Variants in PCDH15 observed in about 807,000 individuals in gnomAD.
PCDH15 encodes protocadherin-15.
Under a neutral mutation model 178.5 loss-of-function variants are expected in PCDH15, and 129 were observed. The observed-to-expected ratio is 0.72, with a 90% CI of 0.63 to 0.84. The LOEUF is 0.84. Ranked by LOEUF, PCDH15 falls within the 40% of genes least tolerant of loss-of-function variation. The pLI is 0.00. For synonymous variants in PCDH15, 800 were observed against 732.0 expected (o/e 1.09, Z -1.50); for missense variants, 2,230 against 2,099.9 (o/e 1.06, Z -1.21).
chr10:55,443,353 C>T (rs557930103), intron 2 of PCDH15, among the ~76,000 whole-genome samples: 12 of 151,952 alleles, frequency 7.9e-5, no homozygotes, highest in African/African-American at 2.4e-4. Flanking sequence ...GAACAGGCAA[C>T]GTACAGAATG....
chr10:54,809,689 T>C (rs377189324), intron 3 of PCDH15, among the ~76,000 whole-genome samples: 3 of 152,046 alleles, frequency 2.0e-5, no homozygotes, highest in Admixed American at 1.3e-4. Context: ...GCTGTAGGGA[T>C]TGGTAACACA....
chr10:55,472,462 T>A (rs931640579), intron 2 of PCDH15, among the ~76,000 whole-genome samples: 11 of 123,540 alleles, frequency 8.9e-5, no homozygotes, highest in Non-Finnish European at 1.7e-4. Context: ...AGTTTTGAAT[T>A]AGCTTTTTTT....
intron 15 of PCDH15, among the ~76,000 whole-genome samples, chr10:54,093,439 A>T (rs1005387766): frequency 1.1e-4 from 17 of 152,206 alleles, no homozygotes; most frequent in African/African-American, 3.9e-4. Context: ...TATGCATTAC[A>T]TGAGTTAGCA....
chr10:54,385,332 G>T (rs1472259938), intron 3 of PCDH15, among the ~76,000 whole-genome samples: 1 of 151,598 alleles, frequency 6.6e-6, no homozygotes, highest in Non-Finnish European at 1.5e-5. Context: ...TAATAAAACA[G>T]ATGGATGTTA....
At chr10:54,115,925 A>T (rs368304200) in intron 15 of PCDH15, among the ~76,000 whole-genome samples, 23 of 152,348 alleles carry the variant, frequency 1.5e-4, no homozygotes, top group Admixed American at 1.2e-3. Context: ...AGTTATGAGC[A>T]TATACCACTT....
intron 2 of PCDH15, among the ~76,000 whole-genome samples, chr10:54,645,131 A>C (rs2094099162): frequency 6.6e-6 from 1 of 152,170 alleles, no homozygotes; most frequent in Admixed American, 6.6e-5. Flanking sequence ...TTAGATACAA[A>C]ATTTTCAGTA....
At chr10:54,957,014 G>A (rs577983255) in intron 2 of PCDH15, among the ~76,000 whole-genome samples, 14 of 151,416 alleles carry the variant, frequency 9.2e-5, no homozygotes, top group South Asian at 2.1e-4. Flanking sequence ...TGGTATGACA[G>A]AAAAAAAATG....
intron 16 of PCDH15, among the ~76,000 whole-genome samples, chr10:54,084,981 C>G (rs1327569823): frequency 1.3e-5 from 2 of 151,918 alleles, no homozygotes; most frequent in Non-Finnish European, 2.9e-5. Context: ...TATTAAATAG[C>G]AATTAGCAAT....
At chr10:54,944,206 G>GT (rs1480543760) in intron 2 of PCDH15, among the ~76,000 whole-genome samples, 1 of 151,872 alleles carries the variant, frequency 6.6e-6, no homozygotes, top group Admixed American at 6.6e-5. Context: ...TAAAACTGTG[G>GT]TATGGTAGCA....
At chr10:54,558,777 A>G (rs774728260) in intron 2 of PCDH15, among the ~76,000 whole-genome samples, 3 of 152,102 alleles carry the variant, frequency 2.0e-5, no homozygotes, top group Non-Finnish European at 2.9e-5. Context: ...ATGACTGTAT[A>G]TATTTTATTT....
At chr10:55,548,840 G>T (rs1361874179) in intron 2 of PCDH15, among the ~76,000 whole-genome samples, 2 of 152,008 alleles carry the variant, frequency 1.3e-5, no homozygotes, top group African/African-American at 4.8e-5. Context: ...AAGGGTTGAA[G>T]AATATATAGA....
chr10:54,259,484 A>G (rs918575529), intron 8 of PCDH15, among the ~76,000 whole-genome samples: 4 of 152,208 alleles, frequency 2.6e-5, no homozygotes, highest in Non-Finnish European at 4.4e-5. Context: ...ATATGTTACA[A>G]GAAGAGAGTG....
intron 15 of PCDH15, among the ~76,000 whole-genome samples, chr10:54,091,131 T>A (rs1032700976): frequency 1.3e-5 from 2 of 152,180 alleles, no homozygotes; most frequent in African/African-American, 4.8e-5. Flanking sequence ...ATCAAATCAG[T>A]TCTTTTTCCA....
chr10:54,139,548 A>G (rs745740673), intron 14 of PCDH15, among the ~76,000 whole-genome samples: 5 of 152,148 alleles, frequency 3.3e-5, no homozygotes, highest in African/African-American at 7.2e-5. Context: ...AAAATTGTGG[A>G]ATGGTTCTCA....
chr10:54,360,624 T>C, intron 5 of PCDH15, among the ~76,000 whole-genome samples: 1 of 152,252 alleles, frequency 6.6e-6, no homozygotes, highest in Middle Eastern at 3.4e-3. Context: ...GGTTATATAT[T>C]CAGTCAATTA....
intron 1 of PCDH15, among the ~76,000 whole-genome samples, chr10:54,664,747 A>C (rs993988876): frequency 3.3e-5 from 5 of 152,022 alleles, no homozygotes; most frequent in Admixed American, 3.3e-4. Flanking sequence ...AAAGCCCATC[A>C]TTAAAATGTT....
chr10:53,913,808 C>A (rs1158018531), intron 25 of PCDH15, among the ~76,000 whole-genome samples: 1 of 151,754 alleles, frequency 6.6e-6, no homozygotes, highest in Non-Finnish European at 1.5e-5. Context: ...AAATAAGCTA[C>A]CATCAGAGTG....
intron 3 of PCDH15, among the ~76,000 whole-genome samples, chr10:54,459,306 G>A (rs996930235): frequency 6.6e-6 from 1 of 151,894 alleles, no homozygotes; most frequent in Non-Finnish European, 1.5e-5. Context: ...AGTACATATA[G>A]CTCATGTTTA....
chr10:54,238,147 TC>T (rs2054821640), intron 8 of PCDH15, among the ~76,000 whole-genome samples: 1 of 152,120 alleles, frequency 6.6e-6, no homozygotes, highest in Non-Finnish European at 1.5e-5. Context: ...AACTACTGTT[TC>T]CCAAACATTT....
Sources: gnomAD v4.1 joint callset for allele counts (sites outside exome capture counted in the v4.1 genomes callset) on GRCh38, gnomAD v4.1.1 for gene constraint, MANE v1.5 for transcripts, NCBI Gene and HGNC (gene_info 2026-07-23, HGNC 2026-07-21) for gene names.